Variants in RFTN2 observed in about 807,000 individuals in gnomAD.
RFTN2 encodes raftlin family member 2.
In RFTN2, 34 loss-of-function variants were observed where a neutral mutation model predicts 52.7. That is an observed-to-expected ratio of 0.64 (90% CI 0.49 to 0.86). The LOEUF (loss-of-function observed/expected upper bound fraction) is 0.86, where lower values mean the gene tolerates loss of function less well. Among genes scored for constraint, RFTN2 ranks in the 40% least tolerant of loss-of-function variants. The probability of loss-of-function intolerance (pLI) is 0.00; values close to 1 mark genes in which losing one functional copy is unlikely to be tolerated. For missense variants in RFTN2, 536 were observed against 600.1 expected (o/e 0.89, Z 1.12); for synonymous variants, 203 against 217.7 (o/e 0.93, Z 0.59).
intron 1 of RFTN2, among the ~76,000 whole-genome samples, chr2:197,659,087 C>T (rs1242980012): frequency 1.3e-5 from 2 of 152,046 alleles, no homozygotes; most frequent in Non-Finnish European, 1.5e-5. Flanking sequence ...AAAGCTAAGA[C>T]TTTGTTCAAT....
intron 8 of RFTN2, among the ~76,000 whole-genome samples, chr2:197,575,044 C>T (rs2087389148): frequency 6.6e-6 from 1 of 152,038 alleles, no homozygotes; most frequent in Non-Finnish European, 1.5e-5. Context: ...CCCATAATTC[C>T]CAAGTGTTGT....
Position 197,569,470 on chromosome 2 carries a change from C to T in RFTN2, c.*2538G>A, listed in dbSNP as rs1432728926. 1 of 152,138 alleles carries T rather than the reference C, an allele frequency of 6.6e-6. No individual in the cohort carries two copies. Among genetic ancestry groups the T allele is most frequent in the Non-Finnish European group, 1.5e-5 (1 of 68,040 alleles). 9.4% of individuals were successfully genotyped at this position (152,138 alleles called of 1,614,324 possible). ...ATTATTCGCTATCATACAAATTCATCACATAACTTAAGGGTAATTGTTGGA... is the reference window on the plus strand; with the variant it reads ...ATTATTCGCTATCATACAAATTCATTACATAACTTAAGGGTAATTGTTGGA... On this transcript the variant is annotated 3_prime_UTR_variant, in exon 9 of 9. Coordinates refer to ENST00000295049, the MANE Select transcript of RFTN2 (RefSeq NM_144629.3).
intron 2 of RFTN2, among the ~76,000 whole-genome samples, chr2:197,644,831 T>C (rs1199776118): frequency 6.6e-6 from 1 of 152,232 alleles, no homozygotes; most frequent in Non-Finnish European, 1.5e-5. Context: ...AAATATCTGA[T>C]GAGGCTTCAT....
At chr2:197,619,740 T>TAA (rs201532331) in intron 5 of RFTN2, among the ~76,000 whole-genome samples, 22 of 126,978 alleles carry the variant, frequency 1.7e-4, no homozygotes, top group East Asian at 4.2e-4. Context: ...AATGATCAAT[T>TAA]AAAAAAAAAA....
chr2:197,595,816 A>G (rs1235502375), intron 8 of RFTN2, among the ~76,000 whole-genome samples, 175 bp downstream of exon 8: 1 of 152,228 alleles, frequency 6.6e-6, no homozygotes, highest in African/African-American at 2.4e-5. Context: ...GCATATTATA[A>G]TCCCCTTTGG....
At chr2:197,612,588 A>G (rs2088080867) in intron 7 of RFTN2, among the ~76,000 whole-genome samples, 1 of 152,238 alleles carries the variant, frequency 6.6e-6, no homozygotes, top group Non-Finnish European at 1.5e-5. Flanking sequence ...GATTGAGCCC[A>G]TTGGTATTAT....
chr2:197,663,321 CT>C (rs745901317), intron 1 of RFTN2, among the ~76,000 whole-genome samples: 11 of 151,920 alleles, frequency 7.2e-5, no homozygotes, highest in Non-Finnish European at 1.3e-4. Flanking sequence ...TTGTGTTGGC[CT>C]TACAGAATGA....
Position 197,647,106 on chromosome 2 carries a change from C to A in RFTN2, c.140-440G>T, listed in dbSNP as rs544134801. 9.2e-5 allele frequency among the ~76,000 whole-genome samples: 14 copies of A among 152,142 alleles called. No individual in the cohort carries two copies. The South Asian group carries it at 2.9e-3, about 32-fold the overall frequency. On this transcript the variant is annotated intron_variant, in intron 1 of 8. Transcript: ENST00000295049. ...AGGTCAGTTTCATTTTTTAGGATTT[C>A]ATTTGAGTGACTATATTTCCATTAA...
intron 2 of RFTN2, among the ~76,000 whole-genome samples, 162 bp downstream of exon 2, chr2:197,646,321 A>T (rs1574739510): frequency 6.6e-6 from 1 of 152,344 alleles, no homozygotes; most frequent in East Asian, 1.9e-4. Flanking sequence ...AAGGAGGTGT[A>T]ACATTTCCTT....
intron 5 of RFTN2, among the ~76,000 whole-genome samples, chr2:197,626,162 A>G (rs2088356175): frequency 6.6e-6 from 1 of 152,180 alleles, no homozygotes. Context: ...TGGAATAAAT[A>G]TCTTGGTAAA....
intron 3 of RFTN2, among the ~76,000 whole-genome samples, chr2:197,642,371 C>T (rs2088686660): frequency 6.6e-6 from 1 of 152,046 alleles, no homozygotes; most frequent in Admixed American, 6.6e-5. Context: ...CCATAAAATC[C>T]CATCAATTTA....
chr2:197,655,017 G>A (rs575245767), intron 1 of RFTN2, among the ~76,000 whole-genome samples: 2 of 151,840 alleles, frequency 1.3e-5, no homozygotes, highest in East Asian at 3.9e-4. Context: ...AAACAAACAA[G>A]CAAACCAACA....
intron 6 of RFTN2, among the ~76,000 whole-genome samples, chr2:197,616,479 A>G (rs2088147987): frequency 6.6e-6 from 1 of 151,638 alleles, no homozygotes; most frequent in Admixed American, 6.6e-5. Context: ...TTTTGTAGAG[A>G]TGGGGTCTCA....
At chr2:197,576,165 T>C (rs1174715872) in intron 8 of RFTN2, among the ~76,000 whole-genome samples, 1 of 151,828 alleles carries the variant, frequency 6.6e-6, no homozygotes, top group East Asian at 1.9e-4. Flanking sequence ...TGCGCCACCT[T>C]GCCAGCTAAT....
chr2:197,570,969 T>C lies in RFTN2; in HGVS notation c.*1039A>G, dbSNP rs1482374210. The C allele has an allele frequency of 2.0e-5, 3 of 152,284 alleles. No homozygotes were observed. 9.4% of individuals were successfully genotyped at this position (152,284 alleles called of 1,614,324 possible). A position where few individuals can be genotyped will look rare whatever the true frequency, so the allele number is the denominator to read the frequency against. On this transcript the variant is annotated 3_prime_UTR_variant, in exon 9 of 9. Coordinates refer to ENST00000295049, the MANE Select transcript of RFTN2 (RefSeq NM_144629.3). ...AGATAAATGAAAATCCTTTATTTTG[T>C]AGAATTTTAAAGATTGTTAAAGGCT...
At chr2:197,609,815 C>T (rs1318592268) in intron 7 of RFTN2, among the ~76,000 whole-genome samples, 2 of 152,104 alleles carry the variant, frequency 1.3e-5, no homozygotes, top group Non-Finnish European at 2.9e-5. Context: ...GGAAGGGATC[C>T]AGTTTCAGCT....
chr2:197,672,317 A>G (rs1210146764), intron 1 of RFTN2, among the ~76,000 whole-genome samples: 2 of 152,234 alleles, frequency 1.3e-5, no homozygotes, highest in Admixed American at 6.5e-5. Context: ...GAGCTACTCC[A>G]AACACATTTG....
At chr2:197,632,658 G>C (rs2088485443) in intron 4 of RFTN2, among the ~76,000 whole-genome samples, 1 of 152,168 alleles carries the variant, frequency 6.6e-6, no homozygotes, top group Admixed American at 6.5e-5. Context: ...TTGTTAGCTA[G>C]GGAATGGGTG....
chr2:197,602,196 G>A (rs186700181), intron 7 of RFTN2, among the ~76,000 whole-genome samples: 69 of 152,160 alleles, frequency 4.5e-4, no homozygotes, highest in African/African-American at 1.6e-3. Context: ...CTCCCAAGTA[G>A]CTGGGACTAC....
Sources: gnomAD v4.1 joint callset for allele counts (sites outside exome capture counted in the v4.1 genomes callset) on GRCh38, gnomAD v4.1.1 for gene constraint, MANE v1.5 for transcripts, NCBI Gene and HGNC (gene_info 2026-07-23, HGNC 2026-07-21) for gene names.